Variants in GRIK1 observed in about 807,000 individuals in gnomAD.
GRIK1 encodes glutamate receptor ionotropic, kainate 1.
In GRIK1, 69 loss-of-function variants were observed where a neutral mutation model predicts 105.7. That is an observed-to-expected ratio of 0.65 (90% CI 0.54 to 0.80). GRIK1 has a LOEUF of 0.80. GRIK1 is among the 30% of genes least tolerant of loss of function. GRIK1 has a pLI of 0.00. For missense variants in GRIK1, 1,109 were observed against 1,167.3 expected (o/e 0.95, Z 0.73); for synonymous variants, 438 against 431.3 (o/e 1.02, Z -0.19).
chr21:29,848,755 G>GTATATA (rs1555898463), intron 1 of GRIK1, among the ~76,000 whole-genome samples: 1 of 91,252 alleles, frequency 1.1e-5, no homozygotes, highest in African/African-American at 4.5e-5. Flanking sequence ...AGTTGTGTGT[G>GTATATA]TATATATATA....
At chr21:29,880,667 C>T (rs574038373) in intron 1 of GRIK1, among the ~76,000 whole-genome samples, 2 of 152,216 alleles carry the variant, frequency 1.3e-5, no homozygotes, top group Non-Finnish European at 2.9e-5. Context: ...GACAACTTTA[C>T]ACAATGGTGG....
intron 1 of GRIK1, among the ~76,000 whole-genome samples, chr21:29,809,909 G>A (rs555395295): frequency 1.6e-4 from 24 of 152,212 alleles, no homozygotes; most frequent in Admixed American, 1.4e-3. Context: ...AGGAACAGCC[G>A]GTCAGTGGAG....
intron 1 of GRIK1, among the ~76,000 whole-genome samples, chr21:29,710,220 G>C (rs537901526): frequency 6.6e-6 from 1 of 152,130 alleles, no homozygotes; most frequent in African/African-American, 2.4e-5. Context: ...TCTGGGATAA[G>C]TTGTATTTGA....
intron 1 of GRIK1, among the ~76,000 whole-genome samples, chr21:29,840,383 C>G (rs1601825161): frequency 6.6e-6 from 1 of 152,240 alleles, no homozygotes; most frequent in Admixed American, 6.5e-5. Flanking sequence ...AGCAATGCAT[C>G]AGAAGGGACA....
At position 29,544,652 on chromosome 21, in the gene GRIK1, T is replaced by C. The variant is rs546602428; in HGVS notation, c.2608-6768A>G. The stretch of plus-strand genomic sequence containing the variant: ...ACTTTTGTGGATCTGTAGAAGACGC[T>C]GCAGTCTTTGAAGCTATTAATTACA... On this transcript the variant is annotated intron_variant, in intron 16 of 17. Coordinates refer to ENST00000327783, the MANE Select transcript of GRIK1 (RefSeq NM_001330994.2). 3.3e-5 allele frequency among the ~76,000 whole-genome samples: 5 copies of C among 152,326 alleles called. No individual in the cohort carries two copies. The East Asian group carries it at 9.6e-4, about 29-fold the overall frequency.
intron 7 of GRIK1, among the ~76,000 whole-genome samples, chr21:29,622,266 T>G (rs1168788629): frequency 6.6e-6 from 1 of 152,202 alleles, no homozygotes; most frequent in East Asian, 1.9e-4. Context: ...ATTTTCTTGC[T>G]CAAAGAATCC....
At chr21:29,846,921 T>C (rs538278534) in intron 1 of GRIK1, among the ~76,000 whole-genome samples, 1 of 152,336 alleles carries the variant, frequency 6.6e-6, no homozygotes, top group East Asian at 1.9e-4. Context: ...ATGTGTATTA[T>C]ATATCCCATC....
chr21:29,657,281 A>G (rs1397042162), intron 4 of GRIK1: 1 of 152,174 alleles, frequency 6.6e-6, no homozygotes, highest in African/African-American at 2.4e-5. Flanking sequence ...ACTTGGGTAA[A>G]ATTTTTCTTT....
intron 1 of GRIK1, among the ~76,000 whole-genome samples, chr21:29,869,678 C>G (rs1206393803): frequency 6.6e-6 from 1 of 152,114 alleles, no homozygotes; most frequent in Admixed American, 6.5e-5. Context: ...AAACCCCTGC[C>G]CATGTTAAAA....
At chr21:29,599,366 T>C (rs538520924) in intron 7 of GRIK1, among the ~76,000 whole-genome samples, 2 of 152,362 alleles carry the variant, frequency 1.3e-5, no homozygotes, top group East Asian at 3.9e-4. Context: ...CAATGATGTA[T>C]TGCAGTTTTT....
intron 1 of GRIK1, among the ~76,000 whole-genome samples, chr21:29,929,686 G>A (rs532957128): frequency 6.6e-6 from 1 of 152,292 alleles, no homozygotes; most frequent in Non-Finnish European, 1.5e-5. Flanking sequence ...GCGAGGATGT[G>A]GTGAAAAGGC....
At chr21:29,719,021 T>C (rs966941672) in intron 1 of GRIK1, among the ~76,000 whole-genome samples, 6 of 151,454 alleles carry the variant, frequency 4.0e-5, no homozygotes, top group Admixed American at 2.6e-4. Context: ...GATACAGAAA[T>C]GCACAGAATT....
chr21:29,677,309 C>A (rs1258981231), intron 3 of GRIK1, among the ~76,000 whole-genome samples: 2 of 152,188 alleles, frequency 1.3e-5, no homozygotes, highest in African/African-American at 2.4e-5. Context: ...AAAATCATAT[C>A]ATAAAAGCTT....
intron 1 of GRIK1, among the ~76,000 whole-genome samples, chr21:29,700,401 G>A (rs996677812): frequency 1.3e-5 from 2 of 152,180 alleles, no homozygotes; most frequent in African/African-American, 4.8e-5. Context: ...CATAATCATT[G>A]TAGGCAAAGG....
intron 1 of GRIK1, among the ~76,000 whole-genome samples, chr21:29,754,600 A>G (rs2065287702): frequency 6.6e-6 from 1 of 152,234 alleles, no homozygotes. Flanking sequence ...TGTGATTGTC[A>G]TTTCAATGTG....
chr21:29,894,847 C>A (rs532539978), intron 1 of GRIK1, among the ~76,000 whole-genome samples: 1 of 152,256 alleles, frequency 6.6e-6, no homozygotes, highest in African/African-American at 2.4e-5. Context: ...ACATATTCAC[C>A]TGTTTAACTT....
At chr21:29,635,052 A>C (rs1385686652) in intron 7 of GRIK1, among the ~76,000 whole-genome samples, 3 of 152,214 alleles carry the variant, frequency 2.0e-5, no homozygotes, top group African/African-American at 7.2e-5. Flanking sequence ...TGATGAGGGC[A>C]GTGGGCAAAG....
At chr21:29,747,319 G>A (rs906068762) in intron 1 of GRIK1, among the ~76,000 whole-genome samples, 2 of 152,228 alleles carry the variant, frequency 1.3e-5, no homozygotes, top group African/African-American at 4.8e-5. Context: ...TGGCTAGGGA[G>A]TAAGAGCATC....
At chr21:29,718,812 T>C (rs1432295350) in intron 1 of GRIK1, among the ~76,000 whole-genome samples, 1 of 152,194 alleles carries the variant, frequency 6.6e-6, no homozygotes, top group South Asian at 2.1e-4. Context: ...CCCTCTGTTA[T>C]GGGGCATTCT....
Sources: gnomAD v4.1 joint callset for allele counts (sites outside exome capture counted in the v4.1 genomes callset) on GRCh38, gnomAD v4.1.1 for gene constraint, MANE v1.5 for transcripts, NCBI Gene and HGNC (gene_info 2026-07-23, HGNC 2026-07-21) for gene names.